OTOA: variants seen among roughly 807,000 people sequenced by gnomAD.
OTOA encodes the protein cancer/testis antigen 108.
Under a neutral mutation model 110.8 loss-of-function variants are expected in OTOA, and 70 were observed. That is an observed-to-expected ratio of 0.63 (90% CI 0.52 to 0.77). The LOEUF (loss-of-function observed/expected upper bound fraction) is 0.77, where lower values mean the gene tolerates loss of function less well. OTOA is among the 30% of genes least tolerant of loss of function. The pLI, the probability that OTOA is intolerant of heterozygous loss-of-function variation, is 0.00. For missense variants in OTOA, 917 were observed against 1,075.8 expected (o/e 0.85, Z 2.06); for synonymous variants, 373 against 431.5 (o/e 0.86, Z 1.68).
rs1404566889 is a variant in OTOA at position 21,758,870 on chromosome 16, G to A, written c.3349+1593G>A. On this transcript the variant is annotated intron_variant, in intron 28 of 28. Coordinates refer to ENST00000646100, the MANE Select transcript of OTOA (RefSeq NM_144672.4). ...TACAAAAATTAGCCGGGTGTGGTGG[G>A]GGGCACCTGTAATCCCAGCTATTCG... Among the ~76,000 whole-genome samples, 50 of 150,876 alleles carry A rather than the reference G, an allele frequency of 3.3e-4. 1 individual carries two copies. The highest frequency in any genetic ancestry group is 2.8e-3 in the Admixed American group (42 of 15,016).
At chr16:21,726,494 C>T in intron 18 of OTOA, 29 bp from the exon 19 acceptor site, 1 of 1,612,688 alleles carries the variant, frequency 6.2e-7, no homozygotes, top group Non-Finnish European at 8.5e-7. Context: ...CCATGTGTTC[C>T]TCCTCTTGTT....
intron 18 of OTOA, among the ~76,000 whole-genome samples, chr16:21,723,477 G>A (rs77011102): frequency 2.8e-4 from 42 of 150,706 alleles, no homozygotes; most frequent in Middle Eastern, 3.4e-3. Context: ...AGTACTTGCT[G>A]TGTGCTAGTT....
rs769261345 is a variant in OTOA at position 21,719,359 on chromosome 16, C to T, written c.1689-28C>T. 4 of 1,606,392 alleles carry T rather than the reference C, an allele frequency of 2.5e-6. No individual in the cohort carries two copies. The African/African-American group carries it at 5.4e-5, about 21-fold the overall frequency. On this transcript the variant is annotated intron_variant, in intron 16 of 28. Transcript: ENST00000646100. The stretch of plus-strand genomic sequence containing the variant: ...TTCCTCTCCTCCTCACTTCCTTCCT[C>T]TCCCGAGTGCCTTGTTTTGTTTTCT...
intron 17 of OTOA, among the ~76,000 whole-genome samples, chr16:21,720,923 CATT>C (rs1204377953): frequency 1.2e-5 from 1 of 86,382 alleles, no homozygotes; most frequent in Non-Finnish European, 2.5e-5. Flanking sequence ...TTATTATTAT[CATT>C]ATTATTATTA....
At chr16:21,691,298 T>C (rs1020668478) in intron 8 of OTOA, among the ~76,000 whole-genome samples, 7 of 152,052 alleles carry the variant, frequency 4.6e-5, no homozygotes, top group African/African-American at 7.3e-5. Context: ...GTCTTTATAG[T>C]AGCATGATTT....
At chr16:21,732,326 G>A (rs1899142604) in intron 21 of OTOA, among the ~76,000 whole-genome samples, 5 of 152,110 alleles carry the variant, frequency 3.3e-5, no homozygotes, top group Admixed American at 3.3e-4. Flanking sequence ...CTTATGTTTA[G>A]ATGTTTATTA....
chr16:21,732,360 A>G (rs1370638648), intron 21 of OTOA, among the ~76,000 whole-genome samples: 1 of 151,940 alleles, frequency 6.6e-6, no homozygotes, highest in Admixed American at 6.6e-5. Context: ...TCCATAAGGT[A>G]TTGGGGTACA....
At chr16:21,703,490 A>T (rs1379128416) in intron 11 of OTOA, among the ~76,000 whole-genome samples, 1 of 152,090 alleles carries the variant, frequency 6.6e-6, no homozygotes, top group East Asian at 1.9e-4. Context: ...TCCATTGTGT[A>T]TCCACCAAAT....
intron 28 of OTOA, among the ~76,000 whole-genome samples, chr16:21,758,707 A>T (rs955880514): frequency 3.3e-5 from 5 of 150,372 alleles, no homozygotes; most frequent in Non-Finnish European, 7.4e-5. Context: ...ACTTTAAAAC[A>T]CTTTTCATTG....
chr16:21,705,250 C>T lies in OTOA; in HGVS notation c.1062C>T (p.Ile354=). The change falls in exon 12 of 29, where the codon ATC becomes ATT. Residue 354 remains isoleucine (I), a synonymous_variant. Coordinates refer to ENST00000646100, the MANE Select transcript of OTOA (RefSeq NM_144672.4). The part of the protein sequence containing the change: ...TVAQVLLYQM[I]KCSHLRGFQA... ...CTCAAGTCCTGCTTTACCAGATGAT[C>T]AAGTGCAGCCACCTGAGGGGCTTCC... The T allele has an allele frequency of 1.9e-6, 3 of 1,614,140 alleles. No homozygotes were observed. Among genetic ancestry groups the T allele is most frequent in the Non-Finnish European group, 2.5e-6 (3 of 1,180,026 alleles).
chr16:21,708,432 C>G (rs1173529719), intron 12 of OTOA, among the ~76,000 whole-genome samples: 2 of 151,934 alleles, frequency 1.3e-5, no homozygotes, highest in Admixed American at 1.3e-4. Flanking sequence ...CCCGGTGGTC[C>G]CCATCTGTGA....
Position 21,664,647 on chromosome 16 carries a change from A to C in OTOA, c.-5+415A>C, listed in dbSNP as rs182545567. On this transcript the variant is annotated intron_variant, in intron 1 of 28. Transcript: ENST00000646100. ...CTTTATGTATTTTATGTATAAAGTAATGCCTACCTCATAACAGTTGTGTGG... is the reference window on the plus strand; with the variant it reads ...CTTTATGTATTTTATGTATAAAGTACTGCCTACCTCATAACAGTTGTGTGG... Among the ~76,000 whole-genome samples, 3 of 152,252 alleles carry C rather than the reference A, an allele frequency of 2.0e-5. No individual in the cohort carries two copies. In the East Asian group the frequency reaches 5.8e-4, roughly 29 times the overall value.
rs1027122023 is a variant in OTOA, at chr16:21,691,787, T to C, written c.739+100T>C. 7.0e-6 allele frequency: 8 copies of C among 1,136,398 alleles called. No individual in the cohort carries two copies. The African/African-American group carries it at 1.2e-4, about 17-fold the overall frequency. 70.4% of individuals were successfully genotyped at this position (1,136,398 alleles called of 1,614,324 possible). The stretch of plus-strand genomic sequence containing the variant: ...ACATGGATTTGATGTTGTTCTCTTC[T>C]GATTTTTACCACCTCCCACTGCTTC... On this transcript the variant is annotated intron_variant, in intron 9 of 28. Transcript: ENST00000646100.
chr16:21,676,274 T>C (rs1432517295), intron 1 of OTOA, among the ~76,000 whole-genome samples: 1 of 152,184 alleles, frequency 6.6e-6, no homozygotes. Flanking sequence ...TGCTGGATTT[T>C]TTTTTTCTTT....
chr16:21,726,999 C>T (rs749307406), intron 19 of OTOA: 8 of 300,792 alleles, frequency 2.7e-5, no homozygotes, highest in Admixed American at 4.5e-5. Flanking sequence ...GGGAGTAGCA[C>T]ATCCCCCTTA....
At chr16:21,690,971 C>A (rs1046627448) in intron 8 of OTOA, among the ~76,000 whole-genome samples, 10 of 146,242 alleles carry the variant, frequency 6.8e-5, no homozygotes, top group Admixed American at 2.1e-4. Flanking sequence ...CCCCCTCCCC[C>A]CACCCCCCAA....
intron 5 of OTOA, among the ~76,000 whole-genome samples, chr16:21,680,842 G>A (rs1966883546): frequency 6.8e-6 from 1 of 147,150 alleles, no homozygotes; most frequent in Non-Finnish European, 1.5e-5. Flanking sequence ...AACAGAGTGA[G>A]ACTCTGTCTC....
At chr16:21,675,095 T>C (rs148967669) in intron 1 of OTOA, among the ~76,000 whole-genome samples, 10 of 119,800 alleles carry the variant, frequency 8.3e-5, no homozygotes, top group African/African-American at 2.6e-4. Flanking sequence ...CTTTCTTTCT[T>C]TCTTTCTTTC....
chr16:21,724,457 G>A (rs1359298567), intron 18 of OTOA, among the ~76,000 whole-genome samples: 1 of 151,230 alleles, frequency 6.6e-6, no homozygotes, highest in Non-Finnish European at 1.5e-5. Flanking sequence ...GAAGGCCAGA[G>A]AGTTAAGGGA....
Sources: allele counts gnomAD v4.1 joint callset (sites outside exome capture counted in the v4.1 genomes callset), GRCh38; gene constraint gnomAD v4.1.1; transcripts MANE v1.5; gene names NCBI Gene and HGNC (gene_info 2026-07-23, HGNC 2026-07-21).